Variants in HDAC9 observed in about 807,000 individuals in gnomAD.
The protein encoded by HDAC9 is histone deacetylase 9, also known as MEF-2 interacting transcription repressor (MITR) protein.
HDAC9 carries 41 observed loss-of-function variants against 139.4 expected under a neutral mutation model. The ratio of observed to expected loss-of-function variants is 0.29; its 90% CI spans 0.23 to 0.38. The LOEUF (loss-of-function observed/expected upper bound fraction) is 0.38, where lower values mean the gene tolerates loss of function less well. Among genes scored for constraint, HDAC9 ranks in the 10% least tolerant of loss-of-function variants. The pLI is 1.00. For missense variants in HDAC9, 1,147 were observed against 1,297.0 expected, an observed-to-expected ratio of 0.88 and a Z score of 1.78; for synonymous variants, 517 against 476.2, an observed-to-expected ratio of 1.09 and a Z score of -1.12.
At chr7:18,091,574 G>A (rs1782149297) in intron 1 of HDAC9, among the ~76,000 whole-genome samples, 1 of 152,202 alleles carries the variant, frequency 6.6e-6, no homozygotes, top group African/African-American at 2.4e-5. Flanking sequence ...AGAGGATATT[G>A]ACTTTGTTTT....
chr7:18,151,274 T>G (rs1786759488), intron 1 of HDAC9, among the ~76,000 whole-genome samples: 1 of 152,244 alleles, frequency 6.6e-6, no homozygotes, highest in South Asian at 2.1e-4. Context: ...TTTTGAGTTC[T>G]GACACTGTAA....
intron 25 of HDAC9, among the ~76,000 whole-genome samples, chr7:18,994,747 T>C (rs1475925714): frequency 1.3e-5 from 2 of 152,230 alleles, no homozygotes; most frequent in Non-Finnish European, 2.9e-5. Context: ...CATTGAAATC[T>C]TGGCTTTTTT....
At chr7:18,640,350 C>A (rs1421598358) in intron 8 of HDAC9, among the ~76,000 whole-genome samples, 1 of 96,916 alleles carries the variant, frequency 1.0e-5, no homozygotes, top group Non-Finnish European at 1.9e-5. Flanking sequence ...AGAGCAAGAT[C>A]CTGTCTTAAA....
intron 1 of HDAC9, among the ~76,000 whole-genome samples, chr7:18,141,054 T>G (rs1263533039): frequency 6.6e-6 from 1 of 152,170 alleles, no homozygotes; most frequent in Non-Finnish European, 1.5e-5. Flanking sequence ...TGAGAAGTTG[T>G]GTGCCCTGAT....
chr7:18,131,818 C>T (rs913860434), intron 1 of HDAC9, among the ~76,000 whole-genome samples: 2 of 152,156 alleles, frequency 1.3e-5, no homozygotes, highest in African/African-American at 4.8e-5. Context: ...CATGTTCACA[C>T]ATCTTTGGTC....
At chr7:18,643,201 A>G (rs1042111364) in intron 8 of HDAC9, among the ~76,000 whole-genome samples, 1 of 152,150 alleles carries the variant, frequency 6.6e-6, no homozygotes, top group African/African-American at 2.4e-5. Flanking sequence ...TTTTGTGTAC[A>G]GCAAGTATGC....
chr7:18,952,549 C>G (rs187208504), intron 23 of HDAC9, among the ~76,000 whole-genome samples: 1 of 151,964 alleles, frequency 6.6e-6, no homozygotes, highest in Non-Finnish European at 1.5e-5. Flanking sequence ...TACCTGATTT[C>G]TATTAAAAAT....
chr7:18,261,570 C>T (rs1276411282), intron 2 of HDAC9, among the ~76,000 whole-genome samples: 1 of 152,160 alleles, frequency 6.6e-6, no homozygotes, highest in Non-Finnish European at 1.5e-5. Context: ...TATCTTCATT[C>T]CCACTCCAAA....
chr7:18,482,416 A>AAAAAAAAAAAAAAAT (rs1363675050), intron 1 of HDAC9, among the ~76,000 whole-genome samples: 1 of 139,564 alleles, frequency 7.2e-6, no homozygotes, highest in Non-Finnish European at 1.5e-5. Flanking sequence ...AAAAAAAAAA[A>AAAAAAAAAAAAAAAT]ATTCTCCTTG....
At chr7:18,972,941 C>T (rs2965026) in intron 24 of HDAC9, among the ~76,000 whole-genome samples, 117,623 of 152,210 alleles carry the variant, frequency 0.77, 45,757 homozygotes, top group African/African-American at 0.85. Flanking sequence ...AGTAAGTAAT[C>T]TGCAATATAC....
chr7:18,674,124 G>A (rs1795824035), intron 12 of HDAC9, among the ~76,000 whole-genome samples: 1 of 151,864 alleles, frequency 6.6e-6, no homozygotes, highest in Non-Finnish European at 1.5e-5. Flanking sequence ...ATAGGCAGTT[G>A]GTCCTCCTGT....
chr7:18,480,570 T>C (rs1439055633), intron 1 of HDAC9, among the ~76,000 whole-genome samples: 1 of 152,152 alleles, frequency 6.6e-6, no homozygotes, highest in Admixed American at 6.5e-5. Context: ...TGCAGGAGGC[T>C]TTCAAAGGTG....
intron 1 of HDAC9, among the ~76,000 whole-genome samples, chr7:18,122,197 G>A (rs536192258): frequency 6.6e-6 from 1 of 152,312 alleles, no homozygotes; most frequent in Middle Eastern, 3.4e-3. Context: ...GATTGTGGTG[G>A]AATTGACTTT....
At chr7:18,984,953 C>T (rs1785214678) in intron 25 of HDAC9, among the ~76,000 whole-genome samples, 1 of 152,046 alleles carries the variant, frequency 6.6e-6, no homozygotes, top group African/African-American at 2.4e-5. Context: ...TTTATTTCTG[C>T]ACAGCCTTGT....
intron 21 of HDAC9, among the ~76,000 whole-genome samples, chr7:18,847,459 G>A (rs1469128734): frequency 1.3e-5 from 2 of 152,072 alleles, no homozygotes; most frequent in Non-Finnish European, 2.9e-5. Flanking sequence ...CATCACACCA[G>A]AAGGTCTGGT....
intron 6 of HDAC9, among the ~76,000 whole-genome samples, chr7:18,596,879 G>A (rs565210052): frequency 2.2e-4 from 34 of 152,174 alleles, no homozygotes; most frequent in African/African-American, 6.3e-4. Flanking sequence ...CAAGATTTAC[G>A]AGAGTAAAAC....
At chr7:18,904,642 A>G (rs1164557473) in intron 22 of HDAC9, among the ~76,000 whole-genome samples, 1 of 129,418 alleles carries the variant, frequency 7.7e-6, no homozygotes, top group South Asian at 2.4e-4. Flanking sequence ...CAGTGACGCG[A>G]TCCGCTCACT....
chr7:18,390,998 A>T (rs185767119), intron 1 of HDAC9, among the ~76,000 whole-genome samples: 1 of 152,250 alleles, frequency 6.6e-6, no homozygotes, highest in East Asian at 1.9e-4. Context: ...CTGAGGTGGG[A>T]GAGTTGCTTG....
At chr7:18,854,902 A>G (rs894844696) in intron 21 of HDAC9, among the ~76,000 whole-genome samples, 9 of 152,152 alleles carry the variant, frequency 5.9e-5, no homozygotes, top group African/African-American at 1.7e-4. Flanking sequence ...TTAAACCCCC[A>G]AGGTAGGCAA....
Sources: allele counts gnomAD v4.1 joint callset (sites outside exome capture counted in the v4.1 genomes callset), GRCh38; gene constraint gnomAD v4.1.1; transcripts MANE v1.5; gene names NCBI Gene and HGNC (gene_info 2026-07-23, HGNC 2026-07-21).